GSE1: variants seen among roughly 807,000 people sequenced by gnomAD.
GSE1 encodes the protein Gse1 coiled-coil protein.
In GSE1, 32 loss-of-function variants were observed where a neutral mutation model predicts 112.6. That is an observed-to-expected ratio of 0.28 (90% CI 0.21 to 0.38). GSE1 has a LOEUF of 0.38. Ranked by LOEUF, GSE1 falls within the 10% of genes least tolerant of loss-of-function variation. GSE1 has a pLI of 1.00. For synonymous variants in GSE1, 1,115 were observed against 735.6 expected (o/e 1.52, Z -8.35); for missense variants, 2,348 against 1,699.2 (o/e 1.38, Z -6.71).
intron 1 of GSE1, among the ~76,000 whole-genome samples, chr16:85,603,244 T>G (rs1369586127): frequency 1.3e-5 from 2 of 152,152 alleles, no homozygotes; most frequent in Admixed American, 1.3e-4. Context: ...ATCTCAGAGC[T>G]TGGGTCCACA....
Position 85,628,911 on chromosome 16 carries a change from CAT to C in GSE1, c.8-5002_8-5001del, listed in dbSNP as rs576269215. Among the ~76,000 whole-genome samples, 287 of 152,330 alleles carry C rather than the reference CAT, an allele frequency of 1.9e-3. 4 individuals carry two copies. Among genetic ancestry groups the C allele is most frequent in the Admixed American group, 0.012 (188 of 15,304 alleles). ...TTGGATGTGTGTCCCCTCCGAATCTCATGTGGAAATGTGTCCTCCAGTTTTGG... is the reference window on the plus strand; with the variant it reads ...TTGGATGTGTGTCCCCTCCGAATCTCGTGGAAATGTGTCCTCCAGTTTTGG... On this transcript the variant is annotated intron_variant, in intron 1 of 15. Coordinates refer to ENST00000253458, the MANE Select transcript of GSE1 (RefSeq NM_014615.5).
At chr16:85,282,341 C>T (rs2044882018) in intron 1 of GSE1, among the ~76,000 whole-genome samples, 1 of 152,198 alleles carries the variant, frequency 6.6e-6, no homozygotes, top group African/African-American at 2.4e-5. Context: ...GCTGTGTTTT[C>T]ATGACTGCTT....
chr16:85,596,052 C>T (rs1235221982), intron 1 of GSE1, among the ~76,000 whole-genome samples: 2 of 150,958 alleles, frequency 1.3e-5, no homozygotes, highest in African/African-American at 4.9e-5. Flanking sequence ...ACCCATTCCT[C>T]CGTCCACCCC....
At chr16:85,655,676 G>A in intron 5 of GSE1, 50 bp from the exon 6 acceptor site, 2 of 1,301,366 alleles carry the variant, frequency 1.5e-6, no homozygotes, top group Non-Finnish European at 2.2e-6. Context: ...ACAGGGCTGG[G>A]TCTTCCCCTT....
rs370185893 is a variant in GSE1, at chr16:85,590,323, TGTGA to T, written c.37+33964_37+33967del. Among the ~76,000 whole-genome samples the T allele has an allele frequency of 3.0e-3, 446 of 148,888 alleles. 3 individuals are homozygous for T. The highest frequency in any genetic ancestry group is 0.01 in the African/African-American group (399 of 39,478). On this transcript the variant is annotated intron_variant, in intron 1 of 2. Coordinates refer to the GSE1 transcript ENST00000635906. Reference sequence around the variant, plus strand: ...GTGAACGCATGGGCCCATGTGTGAATGTGAGTGTGTGTGATTAACGCGTGGGCCT... The same window carrying T: ...GTGAACGCATGGGCCCATGTGTGAATGTGTGTGTGATTAACGCGTGGGCCT...
chr16:85,430,411 C>T (rs1161795469), intron 2 of GSE1, among the ~76,000 whole-genome samples: 1 of 152,200 alleles, frequency 6.6e-6, no homozygotes, highest in Non-Finnish European at 1.5e-5. Flanking sequence ...CAGCAACTTG[C>T]CTAAGGTCAC....
chr16:85,611,844 A>T (rs1351478673), upstream of GSE1, among the ~76,000 whole-genome samples: 4 of 147,892 alleles, frequency 2.7e-5, no homozygotes, highest in Admixed American at 1.3e-4. Context: ...TCCCGTCGCA[A>T]TCCGGGCTGG....
chr16:85,589,815 AGT>A (rs765174602), intron 1 of GSE1, among the ~76,000 whole-genome samples: 23 of 144,986 alleles, frequency 1.6e-4, no homozygotes, highest in South Asian at 1.0e-3. Context: ...TGTGAATGTG[AGT>A]GTGAATATGT....
At chr16:85,642,673 C>G (rs1294009150) in intron 2 of GSE1, among the ~76,000 whole-genome samples, 2 of 152,246 alleles carry the variant, frequency 1.3e-5, no homozygotes, top group African/African-American at 2.4e-5. Context: ...CAGGGACCCT[C>G]TTTAGGGAAG....
chr16:85,642,993 C>T (rs1296052254), intron 2 of GSE1, among the ~76,000 whole-genome samples: 2 of 152,146 alleles, frequency 1.3e-5, no homozygotes, highest in Non-Finnish European at 2.9e-5. Flanking sequence ...ACCGATGACT[C>T]TTCAGGGGGT....
chr16:85,315,237 G>A (rs1417125529), intron 1 of GSE1, among the ~76,000 whole-genome samples: 1 of 152,198 alleles, frequency 6.6e-6, no homozygotes, highest in African/African-American at 2.4e-5. Context: ...GGCTCAGCGG[G>A]AGGCCACACA....
At chr16:85,289,302 C>G (rs927795069) in intron 1 of GSE1, among the ~76,000 whole-genome samples, 7 of 152,104 alleles carry the variant, frequency 4.6e-5, no homozygotes, top group African/African-American at 1.7e-4. Context: ...TTCCCAGGCC[C>G]GAGAGGCTGG....
At chr16:85,270,078 C>T (rs1156711261) in intron 1 of GSE1, among the ~76,000 whole-genome samples, 1 of 149,210 alleles carries the variant, frequency 6.7e-6, no homozygotes. Context: ...TCCTTCCATG[C>T]GGCTATGTTA....
chr16:85,298,229 C>G (rs1055062230), intron 1 of GSE1, among the ~76,000 whole-genome samples: 1 of 152,130 alleles, frequency 6.6e-6, no homozygotes, highest in Non-Finnish European at 1.5e-5. Context: ...GTGCAGGGCC[C>G]TCTGAGTCTG....
intron 2 of GSE1, among the ~76,000 whole-genome samples, chr16:85,362,574 AT>A (rs1200963969): frequency 1.3e-5 from 2 of 152,206 alleles, no homozygotes; most frequent in African/African-American, 4.8e-5. Flanking sequence ...TAAAAATAAA[AT>A]CCTTCTGGTA....
intron 2 of GSE1, among the ~76,000 whole-genome samples, chr16:85,461,805 C>G (rs918800477): frequency 1.3e-5 from 2 of 152,138 alleles, no homozygotes; most frequent in Non-Finnish European, 2.9e-5. Flanking sequence ...CCTATTCCAT[C>G]CCCGCGGCTG....
chr16:85,553,682 T>A (rs2045051761), upstream of GSE1, among the ~76,000 whole-genome samples: 1 of 151,978 alleles, frequency 6.6e-6, no homozygotes, highest in South Asian at 2.1e-4. Context: ...ACCCCTCCCT[T>A]GGCTCCGAGC....
At chr16:85,596,453 C>T (rs1382018175) in intron 1 of GSE1, among the ~76,000 whole-genome samples, 1 of 152,210 alleles carries the variant, frequency 6.6e-6, no homozygotes, top group African/African-American at 2.4e-5. Context: ...GGAATCCTCC[C>T]AGGAAGATTC....
At chr16:85,345,975 CAGAT>C (rs1305134274) in intron 1 of GSE1, among the ~76,000 whole-genome samples, 2 of 151,120 alleles carry the variant, frequency 1.3e-5, no homozygotes, top group Non-Finnish European at 2.9e-5. Context: ...AATGAATGGA[CAGAT>C]GGATGGGTGG....
Sources: gnomAD v4.1 joint callset for allele counts (sites outside exome capture counted in the v4.1 genomes callset) on GRCh38, gnomAD v4.1.1 for gene constraint, MANE v1.5 for transcripts, NCBI Gene and HGNC (gene_info 2026-07-23, HGNC 2026-07-21) for gene names.